Variants in DGUOK observed in about 807,000 individuals in gnomAD.
DGUOK encodes the protein deoxyguanosine kinase, also known as deoxyguanosine kinase, mitochondrial.
Under a neutral mutation model 36.6 loss-of-function variants are expected in DGUOK, and 30 were observed. The ratio of observed to expected loss-of-function variants is 0.82; its 90% CI spans 0.61 to 1.11. The LOEUF is 1.11. Ranked by LOEUF, DGUOK falls within the 50% of genes most tolerant of loss-of-function variation. DGUOK has a pLI of 0.00. For missense variants in DGUOK, 361 were observed against 336.4 expected, an observed-to-expected ratio of 1.07 and a Z score of -0.57; for synonymous variants, 145 against 126.3, an observed-to-expected ratio of 1.15 and a Z score of -0.99.
At position 73,926,918 on chromosome 2, in the gene DGUOK, C is replaced by G. The variant is rs781275867; in HGVS notation, c.8C>G (p.Ala3Gly). Residue 3 changes from alanine (A) to glycine (G), a missense_variant, in exon 1 of 7, where the codon GCG becomes GGG. Ala to Gly is a moderately conservative substitution (Grantham distance 60). Transcript: ENST00000264093. The part of the protein sequence containing the change: MA[A>G]GRLFLSRLRA... ...GTGTGAATCGTGGGTGGGATGGCCG[C>G]GGGCCGCCTCTTTCTAAGTCGGCTT... 41 of 1,613,354 alleles carry G rather than the reference C, an allele frequency of 2.5e-5. No individual in the cohort carries two copies. The highest frequency in any genetic ancestry group is 3.5e-5 in the Non-Finnish European group (41 of 1,180,032).
At chr2:73,949,140 C>T (rs548054407) in intron 3 of DGUOK, among the ~76,000 whole-genome samples, 1 of 152,100 alleles carries the variant, frequency 6.6e-6, no homozygotes, top group African/African-American at 2.4e-5. Flanking sequence ...TTAGTAGAAA[C>T]GGGGTTTCAC....
rs539133362 is a variant in DGUOK at position 73,947,190 on chromosome 2, G to A, written c.443+284G>A. 9 of 440,788 alleles carry A rather than the reference G, an allele frequency of 2.0e-5. No individual in the cohort carries two copies. In the East Asian group the frequency reaches 2.4e-4, roughly 12 times the overall value. The allele number at this position is 440,788 out of a possible 1,614,324, so 27.3% of individuals were successfully genotyped here. On this transcript the variant is annotated intron_variant, in intron 3 of 6. Transcript: ENST00000264093. ...TTATTTTCTGGCATGGAGCAAGCTG[G>A]TAGCCACCTAATGTAACCATCACAT...
At chr2:73,930,177 C>A (rs987809761) in intron 1 of DGUOK, among the ~76,000 whole-genome samples, 1 of 152,124 alleles carries the variant, frequency 6.6e-6, no homozygotes, top group African/African-American at 2.4e-5. Flanking sequence ...TTGGGAAGGT[C>A]TTTTGGTTGT....
chr2:73,950,523 C>G lies in DGUOK; in HGVS notation c.444-62C>G, dbSNP rs528587600. ...GATTTTTCTGCTTCTCTCTCTCTCT[C>G]GTGCCTTTCATTCCATTTCCCATTC... On this transcript the variant is annotated intron_variant, in intron 3 of 6. Coordinates refer to ENST00000264093, the MANE Select transcript of DGUOK (RefSeq NM_080916.3). The G allele has an allele frequency of 3.2e-6, 5 of 1,562,246 alleles. No individual in the cohort carries two copies. The Admixed American group carries it at 5.0e-5, about 16-fold the overall frequency.
At chr2:73,938,498 A>C (rs1681644827) in intron 1 of DGUOK, among the ~76,000 whole-genome samples, 1 of 152,222 alleles carries the variant, frequency 6.6e-6, no homozygotes, top group Admixed American at 6.5e-5. Flanking sequence ...TTGTTGAATG[A>C]ATGAGATTAT....
chr2:73,938,788 T>G (rs1681672993), intron 1 of DGUOK, 122 bp from the exon 2 acceptor site: 4 of 754,002 alleles, frequency 5.3e-6, no homozygotes, highest in South Asian at 4.2e-5. Flanking sequence ...CTGCTGAGTT[T>G]GAAATTCAGA....
At chr2:73,940,015 C>A (rs1462607546) in intron 2 of DGUOK, among the ~76,000 whole-genome samples, 1 of 151,612 alleles carries the variant, frequency 6.6e-6, no homozygotes. Context: ...GATTCTCATG[C>A]CTCAGCCTCC....
intron 4 of DGUOK, among the ~76,000 whole-genome samples, chr2:73,951,669 A>C (rs1682715928): frequency 6.6e-6 from 1 of 152,150 alleles, no homozygotes; most frequent in South Asian, 2.1e-4. Flanking sequence ...AGCTCCCATC[A>C]CAGAGCCTCA....
chr2:73,946,696 T>C (rs374557161), intron 2 of DGUOK, 23 bp from the exon 3 acceptor site: 18 of 1,613,130 alleles, frequency 1.1e-5, no homozygotes, highest in African/African-American at 2.7e-5. Context: ...GGAAATTTTC[T>C]TCTTTTTTTC....
chr2:73,955,325 C>G (rs1018152114), intron 4 of DGUOK, among the ~76,000 whole-genome samples: 1 of 152,158 alleles, frequency 6.6e-6, no homozygotes, highest in Non-Finnish European at 1.5e-5. Context: ...GAGATGATAG[C>G]TTTGCTATGC....
At chr2:73,939,056 C>A (rs775078204) in intron 2 of DGUOK, 34 bp downstream of exon 2, 52 of 1,341,160 alleles carry the variant, frequency 3.9e-5, no homozygotes, top group Non-Finnish European at 4.8e-5. Context: ...AGTTGGCAGG[C>A]ATGGGTGAAT....
chr2:73,950,295 T>G (rs1682612871), intron 3 of DGUOK, among the ~76,000 whole-genome samples: 1 of 152,232 alleles, frequency 6.6e-6, no homozygotes, highest in South Asian at 2.1e-4. Context: ...TAGGGACCAA[T>G]GATACTATCT....
intron 1 of DGUOK, among the ~76,000 whole-genome samples, chr2:73,929,527 A>G (rs1335475874): frequency 2.6e-5 from 4 of 152,192 alleles, no homozygotes; most frequent in Non-Finnish European, 4.4e-5. Context: ...GTGGTATTTA[A>G]TGCCAGAGAC....
chr2:73,937,163 T>G (rs1681530087), intron 1 of DGUOK, among the ~76,000 whole-genome samples: 1 of 152,218 alleles, frequency 6.6e-6, no homozygotes, highest in Admixed American at 6.5e-5. Flanking sequence ...TTGGAGTTTG[T>G]CATGAAGCTT....
chr2:73,955,425 A>G (rs1356133621), intron 4 of DGUOK, among the ~76,000 whole-genome samples: 2 of 152,228 alleles, frequency 1.3e-5, no homozygotes, highest in Non-Finnish European at 2.9e-5. Context: ...GCAAGTGCAT[A>G]TACCTTTTGA....
At chr2:73,956,912 A>G (rs148283667) in intron 4 of DGUOK, among the ~76,000 whole-genome samples, 1 of 152,354 alleles carries the variant, frequency 6.6e-6, no homozygotes, top group Non-Finnish European at 1.5e-5. Context: ...TAACCGACTT[A>G]GGATACTTCA....
chr2:73,926,886 G>A lies in DGUOK; in HGVS notation c.-25G>A, dbSNP rs772519303. 3.1e-6 allele frequency: 5 copies of A among 1,613,032 alleles called. No individual in the cohort carries two copies. Among genetic ancestry groups the A allele is most frequent in the Non-Finnish European group, 4.2e-6 (5 of 1,180,016 alleles). On this transcript the variant is annotated 5_prime_UTR_variant, in exon 1 of 7. Transcript: ENST00000264093. ...GGGCGGAAGTGCTCTCGGCGGAAGTGATCGCTGTGTGAATCGTGGGTGGGA... is the reference window on the plus strand; with the variant it reads ...GGGCGGAAGTGCTCTCGGCGGAAGTAATCGCTGTGTGAATCGTGGGTGGGA...
intron 1 of DGUOK, among the ~76,000 whole-genome samples, chr2:73,929,081 T>C (rs1470011040): frequency 6.6e-6 from 1 of 152,208 alleles, no homozygotes; most frequent in East Asian, 1.9e-4. Flanking sequence ...CCTGATTTTC[T>C]TTTATTTCCT....
At chr2:73,943,326 T>TAA (rs1558654256) in intron 2 of DGUOK, among the ~76,000 whole-genome samples, 1,366 of 34,234 alleles carry the variant, frequency 0.04, 21 homozygotes, top group African/African-American at 0.066. Flanking sequence ...CTTAAAAATT[T>TAA]TTTTTTTTTT....
Sources: allele counts gnomAD v4.1 joint callset (sites outside exome capture counted in the v4.1 genomes callset), GRCh38; gene constraint gnomAD v4.1.1; transcripts MANE v1.5; gene names NCBI Gene and HGNC (gene_info 2026-07-23, HGNC 2026-07-21).